Variants in B4GALT1 observed in about 807,000 individuals in gnomAD.
B4GALT1 encodes N-acetyllactosamine synthase.
A neutral mutation model predicts 34.9 loss-of-function variants in B4GALT1; 16 were observed. That is an observed-to-expected ratio of 0.46 (90% CI 0.31 to 0.70). B4GALT1 has a LOEUF of 0.70. Among genes scored for constraint, B4GALT1 ranks in the 30% least tolerant of loss-of-function variants. The probability of loss-of-function intolerance (pLI) is 0.05; values close to 1 mark genes in which losing one functional copy is unlikely to be tolerated. For synonymous variants in B4GALT1, 221 were observed against 218.1 expected, an observed-to-expected ratio of 1.01 and a Z score of -0.12; for missense variants, 445 against 530.5, an observed-to-expected ratio of 0.84 and a Z score of 1.58.
At chr9:33,183,034 G>A in the B4GALT1 span, among the ~76,000 whole-genome samples, 2 of 152,076 alleles carry the variant, frequency 1.3e-5, no homozygotes, top group East Asian at 1.9e-4. Flanking sequence ...ATCGCTTTCC[G>A]ATGTCTCAGT....
chr9:33,149,466 G>A (rs937681848), intron 1 of B4GALT1, among the ~76,000 whole-genome samples: 6 of 152,036 alleles, frequency 3.9e-5, no homozygotes, highest in Non-Finnish European at 5.9e-5. Flanking sequence ...TTTTTATAGA[G>A]ATGGCGTTTC....
At chr9:33,156,277 G>A (rs1840592961) in intron 1 of B4GALT1, among the ~76,000 whole-genome samples, 1 of 152,088 alleles carries the variant, frequency 6.6e-6, no homozygotes, top group Non-Finnish European at 1.5e-5. Flanking sequence ...GGGACAACAG[G>A]TGCATGCCAC....
chr9:33,144,051 T>G lies in B4GALT1; in HGVS notation c.413-8627A>C, dbSNP rs563698004. 2.6e-5 allele frequency among the ~76,000 whole-genome samples: 4 copies of G among 152,124 alleles called. No homozygotes were observed. In the South Asian group the frequency reaches 8.3e-4, roughly 32 times the overall value. ...ACGAGCCACACAGCTCAGCTAATTTTTAAATTTTTTGTAGAGATAAGGTCT... is the reference window on the plus strand; with the variant it reads ...ACGAGCCACACAGCTCAGCTAATTTGTAAATTTTTTGTAGAGATAAGGTCT... On this transcript the variant is annotated intron_variant, in intron 1 of 5. Coordinates refer to ENST00000379731, the MANE Select transcript of B4GALT1 (RefSeq NM_001497.4).
chr9:33,128,490 G>C (rs1190828796), intron 2 of B4GALT1, among the ~76,000 whole-genome samples: 1 of 152,106 alleles, frequency 6.6e-6, no homozygotes, highest in Non-Finnish European at 1.5e-5. Flanking sequence ...CCAGAGAACA[G>C]AGACACACAT....
At chr9:33,145,644 G>A (rs112736515) in intron 1 of B4GALT1, among the ~76,000 whole-genome samples, 1 of 128,044 alleles carries the variant, frequency 7.8e-6, no homozygotes, top group African/African-American at 3.1e-5. Flanking sequence ...GGCCATACAG[G>A]AAGACAGACT....
At chr9:33,178,896 G>A in the B4GALT1 span, 6 of 152,352 alleles carry the variant, frequency 3.9e-5, 1 homozygote, top group South Asian at 8.3e-4. Flanking sequence ...TCTCTCTCAG[G>A]TGTCCATGGA....
chr9:33,137,333 T>C (rs150294649), intron 1 of B4GALT1, among the ~76,000 whole-genome samples: 1 of 152,354 alleles, frequency 6.6e-6, no homozygotes, highest in East Asian at 1.9e-4. Flanking sequence ...TCAATCAAGC[T>C]TGATCCTTTT....
rs1212432339 is a variant in B4GALT1 at position 33,120,206 on chromosome 9, A to AGGG, written c.836+210_836+212dup. ...CTCAAAAAACAAACAAAAAAAAAAAAGGGGGGAAAATTTGTTTTTGTCTGG... is the reference window on the plus strand; with the variant it reads ...CTCAAAAAACAAACAAAAAAAAAAAAGGGGGGGGGAAAATTTGTTTTTGTCTGG... On this transcript the variant is annotated intron_variant, in intron 3 of 5. Transcript: ENST00000379731. 5.3e-5 allele frequency among the ~76,000 whole-genome samples: 8 copies of AGGG among 151,130 alleles called. No homozygotes were observed. The East Asian group carries it at 5.9e-4, about 11-fold the overall frequency.
At chr9:33,145,754 T>G (rs1410185038) in intron 1 of B4GALT1, among the ~76,000 whole-genome samples, 1 of 152,226 alleles carries the variant, frequency 6.6e-6, no homozygotes, top group Non-Finnish European at 1.5e-5. Flanking sequence ...ACACAGTGGA[T>G]AGCAAATCAC....
chr9:33,149,017 T>G (rs1482380644), intron 1 of B4GALT1, among the ~76,000 whole-genome samples: 1 of 152,054 alleles, frequency 6.6e-6, no homozygotes, highest in East Asian at 1.9e-4. Flanking sequence ...ATATATGAAT[T>G]AATTAATAGG....
rs1473663266 is a variant in B4GALT1, at chr9:33,167,287, G to A, written c.-118C>T. 3.0e-6 allele frequency: 4 copies of A among 1,321,446 alleles called. No individual in the cohort carries two copies. Among genetic ancestry groups the A allele is most frequent in the Non-Finnish European group, 3.0e-6 (3 of 1,014,978 alleles). 81.9% of individuals were successfully genotyped at this position (1,321,446 alleles called of 1,614,324 possible). The stretch of plus-strand genomic sequence containing the variant: ...CTAGGGGAGGGCCCGGAGCGGGGGC[G>A]GGCGAGCGGCTGAGAGCTGAGACTC... On this transcript the variant is annotated 5_prime_UTR_variant, in exon 1 of 6. Coordinates refer to ENST00000379731, the MANE Select transcript of B4GALT1 (RefSeq NM_001497.4).
chr9:33,119,505 C>A (rs1267489391), intron 3 of B4GALT1, among the ~76,000 whole-genome samples: 1 of 152,186 alleles, frequency 6.6e-6, no homozygotes, highest in Non-Finnish European at 1.5e-5. Context: ...TCACTTGAGC[C>A]CAAGAGTTCA....
At chr9:33,119,238 ATTTACT>A (rs1839985646) in intron 3 of B4GALT1, among the ~76,000 whole-genome samples, 1 of 151,606 alleles carries the variant, frequency 6.6e-6, no homozygotes. Flanking sequence ...TTATTTATAT[ATTTACT>A]TTTAAGACAA....
chr9:33,108,109 T>C (rs1341627456), downstream of B4GALT1, among the ~76,000 whole-genome samples: 1 of 152,220 alleles, frequency 6.6e-6, no homozygotes, highest in Non-Finnish European at 1.5e-5. Context: ...GTAACACTTG[T>C]CGTGCTTATT....
the B4GALT1 span, among the ~76,000 whole-genome samples, chr9:33,173,611 T>A: frequency 6.6e-6 from 1 of 151,588 alleles, no homozygotes; most frequent in Non-Finnish European, 1.5e-5. Context: ...TGTGTGTGTG[T>A]GTGTGTGTGT....
chr9:33,150,973 A>AGAAGGAAG (rs3837267), intron 1 of B4GALT1, among the ~76,000 whole-genome samples: 3 of 151,656 alleles, frequency 2.0e-5, no homozygotes, highest in Non-Finnish European at 1.5e-5. Flanking sequence ...CTGGATGGAA[A>AGAAGGAAG]GAAGGAAGGA....
intron 1 of B4GALT1, among the ~76,000 whole-genome samples, chr9:33,151,317 G>A (rs1840514826): frequency 6.6e-6 from 1 of 152,172 alleles, no homozygotes; most frequent in South Asian, 2.1e-4. Context: ...AAGTCTCCTG[G>A]GAGTTTTATT....
At chr9:33,109,760 G>A (rs1839832949), downstream of B4GALT1, among the ~76,000 whole-genome samples, 1 of 152,250 alleles carries the variant, frequency 6.6e-6, no homozygotes, top group Non-Finnish European at 1.5e-5. Context: ...CAGGCAGACA[G>A]TGTCAGAATT....
chr9:33,171,751 TGC>T (rs1281969530), upstream of B4GALT1, among the ~76,000 whole-genome samples: 2 of 152,096 alleles, frequency 1.3e-5, no homozygotes, highest in African/African-American at 4.8e-5. Flanking sequence ...GATGAGATGT[TGC>T]GATATTGCTC....
Sources: allele counts gnomAD v4.1 joint callset (sites outside exome capture counted in the v4.1 genomes callset), GRCh38; gene constraint gnomAD v4.1.1; transcripts MANE v1.5; gene names NCBI Gene and HGNC (gene_info 2026-07-23, HGNC 2026-07-21).